The following AGBL1 variants were observed in gnomAD, a reference collection of about 807,000 sequenced individuals.
AGBL1 encodes cytosolic carboxypeptidase 4.
In AGBL1, 130 loss-of-function variants were observed where a neutral mutation model predicts 118.9. That is an observed-to-expected ratio of 1.09 (90% CI 0.95 to 1.26). The LOEUF is 1.26. Ranked by LOEUF, AGBL1 falls within the 50% of genes most tolerant of loss-of-function variation. The probability of loss-of-function intolerance (pLI) is 0.00; values close to 1 mark genes in which losing one functional copy is unlikely to be tolerated. For synonymous variants in AGBL1, 555 were observed against 478.9 expected (o/e 1.16, Z -2.08); for missense variants, 1,584 against 1,298.1 (o/e 1.22, Z -3.38).
rs547445348 is a variant in AGBL1, at chr15:86,316,607, C to A, written c.2374+21199C>A. ...AGTGGGTCCCTTGACTTTCTGCAGG[C>A]CACCGAAATAATGCTCTTCCTGTCT... On this transcript the variant is annotated intron_variant, in intron 17 of 22. Coordinates refer to ENST00000614907, the MANE Select transcript of AGBL1 (RefSeq NM_001386094.1). 4 of 152,344 alleles carry A rather than the reference C, an allele frequency of 2.6e-5. No individual in the cohort carries two copies. In the East Asian group the frequency reaches 7.7e-4, roughly 29 times the overall value. 9.4% of individuals were successfully genotyped at this position (152,344 alleles called of 1,614,324 possible). A position where few individuals can be genotyped will look rare whatever the true frequency, so the allele number is the denominator to read the frequency against.
chr15:86,264,439 G>A lies in AGBL1; in HGVS notation c.1268G>A (p.Arg423Lys). 1 of 1,613,964 alleles carries A rather than the reference G, an allele frequency of 6.2e-7. No individual in the cohort carries two copies. Among genetic ancestry groups the A allele is most frequent in the Non-Finnish European group, 8.5e-7 (1 of 1,179,886 alleles). ...TSLLCRVKTG[R>K]STVHLGSKKN... Reference sequence around the variant, plus strand: ...CTTCTGTGCAGGGTGAAGACGGGAAGGTCCACTGTGCATCTAGGCTCCAAA... The same window carrying A: ...CTTCTGTGCAGGGTGAAGACGGGAAAGTCCACTGTGCATCTAGGCTCCAAA... Residue 423 changes from arginine (R) to lysine (K), a missense_variant, in exon 11 of 23, where the codon AGG becomes AAG. Coordinates refer to ENST00000614907, the MANE Select transcript of AGBL1 (RefSeq NM_001386094.1).
intron 22 of AGBL1, among the ~76,000 whole-genome samples, chr15:86,691,118 T>C (rs2086160054): frequency 2.0e-5 from 3 of 152,120 alleles, no homozygotes; most frequent in East Asian, 1.9e-4. Flanking sequence ...GACATATTTG[T>C]TACGTGATAT....
chr15:86,395,053 T>C (rs1307362975), intron 17 of AGBL1, among the ~76,000 whole-genome samples: 1 of 152,168 alleles, frequency 6.6e-6, no homozygotes, highest in Non-Finnish European at 1.5e-5. Context: ...TGCACTTTTA[T>C]TGGTAACTGA....
chr15:86,657,616 A>C (rs2085481303), intron 21 of AGBL1, among the ~76,000 whole-genome samples: 1 of 152,198 alleles, frequency 6.6e-6, no homozygotes, highest in Non-Finnish European at 1.5e-5. Flanking sequence ...AATGGAGGTC[A>C]CATTTTCAAA....
intron 1 of AGBL1, among the ~76,000 whole-genome samples, chr15:86,091,082 T>C (rs1895991282): frequency 1.3e-5 from 2 of 152,296 alleles, no homozygotes; most frequent in South Asian, 4.1e-4. Flanking sequence ...GCCACCGACT[T>C]TCTGGTTGAC....
rs568021010 is a variant in AGBL1 at position 86,080,009 on chromosome 15, C to T, written c.37C>T (p.Leu13=). The T allele has an allele frequency of 1.1e-5, 14 of 1,232,234 alleles. No individual in the cohort carries two copies. In the South Asian group the frequency reaches 2.5e-4, roughly 22 times the overall value. The allele number at this position is 1,232,234 out of a possible 1,614,324, so 76.3% of individuals were successfully genotyped here. A position where few individuals can be genotyped will look rare whatever the true frequency, so the allele number is the denominator to read the frequency against. Residue 13 remains leucine (L), a synonymous_variant, in exon 1 of 23, where the codon CTG becomes TTG. Coordinates refer to ENST00000614907, the MANE Select transcript of AGBL1 (RefSeq NM_001386094.1). ...EQEASGLQVL[L]HTLQSSSDKE... is the part of the protein sequence containing the mutation. ...AGAAGCTAGTGGGCTACAGGTCCTG[C>T]TGCACACGCTTCAGGTAGGAAAGGG... is the stretch of plus-strand genomic sequence containing the variant.
intron 21 of AGBL1, among the ~76,000 whole-genome samples, chr15:86,562,157 G>T (rs1057150214): frequency 6.6e-6 from 1 of 152,086 alleles, no homozygotes; most frequent in African/African-American, 2.4e-5. Flanking sequence ...TCTTTCTCCT[G>T]CCTGATTGCC....
chr15:86,673,753 G>A lies in AGBL1; in HGVS notation c.2995-520G>A, dbSNP rs556788499. 5.3e-5 allele frequency among the ~76,000 whole-genome samples: 8 copies of A among 152,208 alleles called. No homozygotes were observed. In the South Asian group the frequency reaches 6.2e-4, roughly 12 times the overall value. ...TGATTTTGCTTTCATGCATATATGA[G>A]TACAGCTGAATAGGGGGTTCTAAAT... On this transcript the variant is annotated intron_variant, in intron 21 of 22. Coordinates refer to ENST00000614907, the MANE Select transcript of AGBL1 (RefSeq NM_001386094.1).
chr15:86,261,746 A>G (rs1439938900), intron 9 of AGBL1, among the ~76,000 whole-genome samples: 1 of 152,160 alleles, frequency 6.6e-6, no homozygotes, highest in Non-Finnish European at 1.5e-5. Flanking sequence ...AAGTATTCAG[A>G]GGAGAGTCAC....
chr15:86,728,093 C>G (rs943836494), intron 22 of AGBL1, among the ~76,000 whole-genome samples: 6 of 152,122 alleles, frequency 3.9e-5, no homozygotes, highest in Admixed American at 1.3e-4. Flanking sequence ...TCTTGGTTCC[C>G]TCTCCTTTCT....
intron 1 of AGBL1, among the ~76,000 whole-genome samples, chr15:86,137,713 A>G (rs1490896319): frequency 6.6e-6 from 1 of 152,138 alleles, no homozygotes; most frequent in Non-Finnish European, 1.5e-5. Context: ...CACAGGAAAG[A>G]GAAAAAGCTT....
chr15:86,735,688 G>C (rs144269187), intron 22 of AGBL1, among the ~76,000 whole-genome samples: 5 of 136,894 alleles, frequency 3.7e-5, no homozygotes, highest in African/African-American at 1.4e-4. Flanking sequence ...TCTGCATACT[G>C]TCTCTCTGGG....
At chr15:86,840,198 AT>A (rs2079225376) in intron 22 of AGBL1, among the ~76,000 whole-genome samples, 1 of 152,192 alleles carries the variant, frequency 6.6e-6, no homozygotes, top group African/African-American at 2.4e-5. Flanking sequence ...AGGGTACAGA[AT>A]TTTGGTTGTT....
chr15:86,353,711 GA>G (rs1267414654), intron 17 of AGBL1, among the ~76,000 whole-genome samples: 1 of 152,168 alleles, frequency 6.6e-6, no homozygotes, highest in Non-Finnish European at 1.5e-5. Flanking sequence ...TGAGTTACTG[GA>G]ATTCAATTTC....
At chr15:86,144,042 A>G (rs139595917) in intron 3 of AGBL1, among the ~76,000 whole-genome samples, 197 bp downstream of exon 3, 1 of 152,194 alleles carries the variant, frequency 6.6e-6, no homozygotes, top group Non-Finnish European at 1.5e-5. Flanking sequence ...CATCCAAGGT[A>G]TGGTGCTCAG....
rs552916084 is a variant in AGBL1 at position 86,148,591 on chromosome 15, G to T, written c.262+4746G>T. 6.0e-4 allele frequency among the ~76,000 whole-genome samples: 91 copies of T among 152,236 alleles called. 2 individuals carry two copies. In the Middle Eastern group the frequency reaches 0.01, roughly 17 times the overall value. The stretch of plus-strand genomic sequence containing the variant: ...AAGGTTAGAGAAAAAAGAGTAAAAA[G>T]AAATGAACAAAGCCTCCAAGAAATA... On this transcript the variant is annotated intron_variant, in intron 3 of 22. Transcript: ENST00000614907.
chr15:86,324,958 G>A (rs2080164152), intron 17 of AGBL1, among the ~76,000 whole-genome samples: 2 of 152,052 alleles, frequency 1.3e-5, no homozygotes, highest in Admixed American at 1.3e-4. Context: ...AGGAGGTGAG[G>A]GTGACTGGAC....
chr15:86,341,180 G>C (rs2080456332), intron 17 of AGBL1, among the ~76,000 whole-genome samples: 1 of 152,194 alleles, frequency 6.6e-6, no homozygotes, highest in Admixed American at 6.5e-5. Context: ...ATTGGGACCT[G>C]TCCAGAGTGG....
chr15:86,594,199 C>A (rs1444294967), intron 21 of AGBL1, among the ~76,000 whole-genome samples: 1 of 152,154 alleles, frequency 6.6e-6, no homozygotes, highest in African/African-American at 2.4e-5. Flanking sequence ...GAGTGAGCCA[C>A]TGCGTCTAGC....
Sources: allele counts gnomAD v4.1 joint callset (sites outside exome capture counted in the v4.1 genomes callset), GRCh38; gene constraint gnomAD v4.1.1; transcripts MANE v1.5; gene names NCBI Gene and HGNC (gene_info 2026-07-23, HGNC 2026-07-21).